The following TULP4 variants were observed in gnomAD, a reference collection of about 807,000 sequenced individuals.
TULP4 encodes the protein tubby-related protein 4.
A neutral mutation model predicts 129.0 loss-of-function variants in TULP4; 16 were observed. That is an observed-to-expected ratio of 0.12 (90% CI 0.08 to 0.19). The LOEUF is 0.19. Among genes scored for constraint, TULP4 ranks in the 10% least tolerant of loss-of-function variants. The pLI, the probability that TULP4 is intolerant of heterozygous loss-of-function variation, is 1.00. For synonymous variants in TULP4, 998 were observed against 854.0 expected, an observed-to-expected ratio of 1.17 and a Z score of -2.94; for missense variants, 1,842 against 2,059.1, an observed-to-expected ratio of 0.89 and a Z score of 2.04.
chr6:158,393,129 C>G (rs191694537), intron 1 of TULP4, among the ~76,000 whole-genome samples: 166 of 152,278 alleles, frequency 1.1e-3, no homozygotes, highest in African/African-American at 3.9e-3. Flanking sequence ...TGAAACCCAG[C>G]AGAACAGCCA....
intron 8 of TULP4, among the ~76,000 whole-genome samples, chr6:158,482,579 A>G (rs113008368): frequency 0.014 from 2,176 of 152,246 alleles, 56 homozygotes; most frequent in African/African-American, 0.05. Flanking sequence ...AGAGAAGCGC[A>G]TGTTCACGTG....
intron 1 of TULP4, among the ~76,000 whole-genome samples, chr6:158,269,910 T>C (rs375480403): frequency 5.3e-5 from 8 of 152,366 alleles, no homozygotes; most frequent in Non-Finnish European, 1.0e-4. Flanking sequence ...GTTCTGCCTT[T>C]GTGGTCTTCA....
At chr6:158,361,044 GT>G (rs1780775777) in intron 1 of TULP4, among the ~76,000 whole-genome samples, 1 of 151,956 alleles carries the variant, frequency 6.6e-6, no homozygotes, top group South Asian at 2.1e-4. Flanking sequence ...GTATCTTTCT[GT>G]TTTTAGTTTT....
At chr6:158,460,055 T>C (rs1335643461) in intron 5 of TULP4, among the ~76,000 whole-genome samples, 1 of 152,234 alleles carries the variant, frequency 6.6e-6, no homozygotes, top group Non-Finnish European at 1.5e-5. Flanking sequence ...TTCCATTTTC[T>C]ATTCATCTGT....
intron 9 of TULP4, among the ~76,000 whole-genome samples, chr6:158,492,017 C>T (rs928837021): frequency 1.3e-5 from 2 of 151,784 alleles, no homozygotes; most frequent in African/African-American, 4.8e-5. Context: ...CGCCACCACG[C>T]CCGGCTAATT....
chr6:158,331,732 C>CGT (rs1491126402), intron 1 of TULP4, among the ~76,000 whole-genome samples: 1,071 of 7,718 alleles, frequency 0.14, 132 homozygotes, highest in South Asian at 0.26. Flanking sequence ...CACACACATA[C>CGT]GTATATATAT....
intron 1 of TULP4, among the ~76,000 whole-genome samples, chr6:158,330,410 A>G (rs1466692573): frequency 1.3e-5 from 2 of 152,258 alleles, no homozygotes; most frequent in African/African-American, 4.8e-5. Flanking sequence ...AGTACAAAGA[A>G]TACTCTTACT....
intron 1 of TULP4, among the ~76,000 whole-genome samples, chr6:158,389,221 A>G (rs1777531518): frequency 6.6e-6 from 1 of 152,234 alleles, no homozygotes; most frequent in Non-Finnish European, 1.5e-5. Context: ...AGGCTGAGGC[A>G]GATGGATTGC....
intron 1 of TULP4, among the ~76,000 whole-genome samples, chr6:158,378,785 AG>A (rs138910011): frequency 0.2 from 29,598 of 151,278 alleles, 3,631 homozygotes; most frequent in Middle Eastern, 0.28. Flanking sequence ...GCGCCTGGCC[AG>A]GGGAGCCAGT....
rs1583832575 is a variant in TULP4 at position 158,395,914 on chromosome 6, T to C, written c.253-17151T>C. 1.3e-5 allele frequency among the ~76,000 whole-genome samples: 2 copies of C among 152,276 alleles called. 1 individual carries two copies. The highest frequency in any genetic ancestry group is 4.2e-4 in the South Asian group (2 of 4,816). On this transcript the variant is annotated intron_variant, in intron 1 of 13. Transcript: ENST00000367097. ...CTGGATTTTGCTATGGTTTGGTATT[T>C]TTATACGTTGCACAGTCCTCCTAGA...
At chr6:158,401,050 TTTGTTG>T (rs199720242) in intron 1 of TULP4, among the ~76,000 whole-genome samples, 41,910 of 147,018 alleles carry the variant, frequency 0.29, 6,158 homozygotes, top group East Asian at 0.45. Flanking sequence ...GTTTGGGTTT[TTTGTTG>T]TTGTTGTTGT....
chr6:158,446,128 A>G (rs979359600), intron 3 of TULP4, among the ~76,000 whole-genome samples: 1 of 152,244 alleles, frequency 6.6e-6, no homozygotes, highest in Admixed American at 6.5e-5. Context: ...TCCTTTGCTC[A>G]CATAAGCTTT....
At chr6:158,389,968 G>A (rs925791706) in intron 1 of TULP4, among the ~76,000 whole-genome samples, 10 of 152,010 alleles carry the variant, frequency 6.6e-5, no homozygotes, top group South Asian at 2.1e-4. Flanking sequence ...AAAGTTAGCC[G>A]GGTGTGGGTT....
intron 1 of TULP4, among the ~76,000 whole-genome samples, chr6:158,297,246 C>T (rs1779051084): frequency 6.6e-6 from 1 of 152,194 alleles, no homozygotes; most frequent in Non-Finnish European, 1.5e-5. Flanking sequence ...CATTTATAGG[C>T]TCTCTGCAAG....
intron 6 of TULP4, among the ~76,000 whole-genome samples, chr6:158,467,940 G>A (rs1202412087): frequency 2.0e-5 from 3 of 152,206 alleles, no homozygotes; most frequent in East Asian, 1.9e-4. Flanking sequence ...GGTGAGTTAT[G>A]TTGGGGCAGC....
At chr6:158,249,886 T>C (rs1483238517) in intron 1 of TULP4, among the ~76,000 whole-genome samples, 1 of 152,212 alleles carries the variant, frequency 6.6e-6, no homozygotes, top group Non-Finnish European at 1.5e-5. Context: ...AAGTAGTCAA[T>C]GATAGTGAGA....
At chr6:158,410,863 G>A (rs1023289492) in intron 1 of TULP4, among the ~76,000 whole-genome samples, 4 of 152,034 alleles carry the variant, frequency 2.6e-5, no homozygotes, top group South Asian at 4.2e-4. Context: ...CATGAGTTGA[G>A]CCCCCTCCTT....
intron 1 of TULP4, among the ~76,000 whole-genome samples, chr6:158,236,787 A>ATTCTT (rs35705863): frequency 0.012 from 869 of 72,234 alleles, 111 homozygotes; most frequent in Middle Eastern, 0.042. Flanking sequence ...TAAATGCCCA[A>ATTCTT]TTCTTTTCTT....
At chr6:158,442,682 C>T (rs1222458393) in intron 3 of TULP4, among the ~76,000 whole-genome samples, 1 of 152,106 alleles carries the variant, frequency 6.6e-6, no homozygotes, top group African/African-American at 2.4e-5. Flanking sequence ...GGTATATTCA[C>T]ATGGTATAAA....
Sources: gnomAD v4.1 joint callset for allele counts (sites outside exome capture counted in the v4.1 genomes callset) on GRCh38, gnomAD v4.1.1 for gene constraint, MANE v1.5 for transcripts, NCBI Gene and HGNC (gene_info 2026-07-23, HGNC 2026-07-21) for gene names.